Variants in ZNF766 observed in about 807,000 individuals in gnomAD.
The protein encoded by ZNF766 is zinc finger protein 766.
A neutral mutation model predicts 13.2 loss-of-function variants in ZNF766; 13 were observed. The observed-to-expected ratio is 0.98, with a 90% CI of 0.64 to 1.56. The LOEUF is 1.56. Ranked by LOEUF, ZNF766 falls within the 40% of genes most tolerant of loss-of-function variation. The pLI is 0.00. For synonymous variants in ZNF766, 178 were observed against 187.6 expected (o/e 0.95, Z 0.42); for missense variants, 521 against 552.2 (o/e 0.94, Z 0.57).
rs1266416239 is a variant in ZNF766, at chr19:52,292,234, A to G, written c.*1036A>G. On this transcript the variant is annotated 3_prime_UTR_variant, in exon 4 of 4. Coordinates refer to ENST00000439461, the MANE Select transcript of ZNF766 (RefSeq NM_001010851.3). ...GGAGCGTTTCTATCCAGTTTCCTGG[A>G]GGAATAAGGACACTGCCTTTTCAGA... 1.4e-6 allele frequency: 1 copy of G among 700,278 alleles called. No homozygotes were observed. The highest frequency in any genetic ancestry group is 1.7e-5 in the African/African-American group (1 of 57,158). 43.4% of individuals were successfully genotyped at this position (700,278 alleles called of 1,614,324 possible). A position where few individuals can be genotyped will look rare whatever the true frequency, so the allele number is the denominator to read the frequency against.
At chr19:52,275,303 GT>G (rs1368040533) in intron 1 of ZNF766, among the ~76,000 whole-genome samples, 2 of 152,094 alleles carry the variant, frequency 1.3e-5, no homozygotes, top group Non-Finnish European at 2.9e-5. Context: ...ACAAGAAAAA[GT>G]TTAGAGAATT....
intron 1 of ZNF766, among the ~76,000 whole-genome samples, chr19:52,270,942 G>T (rs1289048571): frequency 3.3e-5 from 5 of 151,956 alleles, no homozygotes; most frequent in African/African-American, 9.7e-5. Flanking sequence ...CCGCCAGCTC[G>T]CCTGGCCAAT....
At position 52,290,273 on chromosome 19, in the gene ZNF766, T is replaced by G; in HGVS notation, c.482T>G (p.Phe161Cys). 6.2e-7 allele frequency: 1 copy of G among 1,613,858 alleles called. No homozygotes were observed. The highest frequency in any genetic ancestry group is 8.5e-7 in the Non-Finnish European group (1 of 1,179,872). The stretch of plus-strand genomic sequence containing the variant: ...TACTCTGGGGTCAAAACCCACATAT[T>G]TAATAAACATAGGAATGATTTTGTT... ...RIYSGVKTHI[F>C]NKHRNDFVDF... The change falls in exon 4 of 4, where the codon TTT (phenylalanine) becomes TGT (cysteine). Residue 161 changes from phenylalanine (F) to cysteine (C), a missense_variant. Physicochemically the swap from Phe to Cys is radical, Grantham distance 205. Coordinates refer to ENST00000439461, the MANE Select transcript of ZNF766 (RefSeq NM_001010851.3).
In ZNF766 at chr19:52,295,832, C is replaced by A. The variant is rs549456503; in HGVS notation, c.*4634C>A. The A allele has an allele frequency of 1.3e-5, 2 of 151,466 alleles. No individual in the cohort carries two copies. Among genetic ancestry groups the A allele is most frequent in the African/African-American group, 4.8e-5 (2 of 41,276 alleles). The allele number at this position is 151,466 out of a possible 1,614,324, so 9.4% of individuals were successfully genotyped here. ...ACCTCCCGGGAGCATGCTGCTCTAT[C>A]TTTTTTTTCAGATGTTTGAGCTATT... On this transcript the variant is annotated 3_prime_UTR_variant, in exon 4 of 4. Transcript: ENST00000439461.
At chr19:52,288,908 C>T (rs1053836337) in intron 3 of ZNF766, among the ~76,000 whole-genome samples, 2 of 152,024 alleles carry the variant, frequency 1.3e-5, no homozygotes, top group African/African-American at 2.4e-5. Context: ...TGCAGTGGCA[C>T]GATCTCGGCT....
intron 1 of ZNF766, chr19:52,277,534 T>G: frequency 6.4e-7 from 1 of 1,574,682 alleles, no homozygotes; most frequent in Non-Finnish European, 8.6e-7. Context: ...GGCATGCCAC[T>G]TACTCAGGTA....
chr19:52,276,744 A>G (rs1427945962), intron 1 of ZNF766, among the ~76,000 whole-genome samples: 1 of 152,210 alleles, frequency 6.6e-6, no homozygotes, highest in Non-Finnish European at 1.5e-5. Context: ...CCCCTTGGAT[A>G]AAGGGATTTT....
chr19:52,283,188 T>A, intron 2 of ZNF766, 97 bp from the exon 3 acceptor site: 1 of 1,458,862 alleles, frequency 6.9e-7, no homozygotes, highest in South Asian at 1.4e-5. Flanking sequence ...TAACTGGCTT[T>A]AAAGGATTAA....
chr19:52,275,434 G>A (rs1430013650), intron 1 of ZNF766: 1 of 152,114 alleles, frequency 6.6e-6, no homozygotes, highest in African/African-American at 2.4e-5. Flanking sequence ...GTTGGAATAA[G>A]TAAGCTTAGT....
Position 52,292,079 on chromosome 19 carries a change from A to G in ZNF766, c.*881A>G. 2.9e-6 allele frequency: 2 copies of G among 696,150 alleles called. No homozygotes were observed. Among genetic ancestry groups the G allele is most frequent in the Non-Finnish European group, 5.2e-6 (2 of 382,554 alleles). The allele number at this position is 696,150 out of a possible 1,614,324, so 43.1% of individuals were successfully genotyped here. A position where few individuals can be genotyped will look rare whatever the true frequency, so the allele number is the denominator to read the frequency against. On this transcript the variant is annotated 3_prime_UTR_variant, in exon 4 of 4. Transcript: ENST00000439461. ...GTGACAGAGCGAGACCCTGTCTCAA[A>G]AGAAAAAAAAGGCTAGTTTTTATGA... is the stretch of plus-strand genomic sequence containing the variant.
intron 1 of ZNF766, among the ~76,000 whole-genome samples, chr19:52,276,960 C>T (rs1055121851): frequency 1.3e-5 from 2 of 152,054 alleles, no homozygotes; most frequent in African/African-American, 2.4e-5. Context: ...AGGAGGGGAG[C>T]GGGTTCTGAA....
At chr19:52,275,465 A>AT (rs747702280) in intron 1 of ZNF766, 3 of 152,122 alleles carry the variant, frequency 2.0e-5, no homozygotes, top group African/African-American at 7.2e-5. Context: ...AGAAAAAAGT[A>AT]TTTTTTGTGA....
chr19:52,280,668 C>T (rs376846584), intron 1 of ZNF766, among the ~76,000 whole-genome samples: 8 of 151,960 alleles, frequency 5.3e-5, no homozygotes, highest in East Asian at 3.9e-4. Flanking sequence ...CTGCAGCCTC[C>T]GCCTCCTGGG....
intron 1 of ZNF766, among the ~76,000 whole-genome samples, chr19:52,278,824 T>A (rs1438813149): frequency 1.3e-5 from 2 of 152,250 alleles, no homozygotes; most frequent in African/African-American, 4.8e-5. Flanking sequence ...TTCTGTAGGT[T>A]GTCTGCTCAC....
intron 1 of ZNF766, among the ~76,000 whole-genome samples, chr19:52,279,925 A>G (rs1390219532): frequency 6.7e-6 from 1 of 148,386 alleles, no homozygotes; most frequent in Non-Finnish European, 1.5e-5. Flanking sequence ...CCTCCCGAGT[A>G]GCTTGGATTA....
chr19:52,291,414 G>C lies in ZNF766; in HGVS notation c.*216G>C. The C allele has an allele frequency of 2.0e-6, 1 of 510,574 alleles. No homozygotes were observed. The highest frequency in any genetic ancestry group is 3.4e-6 in the Non-Finnish European group (1 of 293,644). The allele number at this position is 510,574 out of a possible 1,614,324, so 31.6% of individuals were successfully genotyped here. A position where few individuals can be genotyped will look rare whatever the true frequency, so the allele number is the denominator to read the frequency against. The stretch of plus-strand genomic sequence containing the variant: ...TATGTTGAACCTAATGATATGATGT[G>C]TATAAAGGGTGCAAGGACACGTGGA... On this transcript the variant is annotated 3_prime_UTR_variant, in exon 4 of 4. Transcript: ENST00000439461.
chr19:52,282,248 T>C lies in ZNF766; in HGVS notation c.145+11T>C. ...ACCTGGTCTCCCTGGGTAAGGATAATGCCCCTCCAGAAGTTGGGGTCTGCC... is the reference window on the plus strand; with the variant it reads ...ACCTGGTCTCCCTGGGTAAGGATAACGCCCCTCCAGAAGTTGGGGTCTGCC... On this transcript the variant is annotated intron_variant, in intron 2 of 3. Coordinates refer to ENST00000439461, the MANE Select transcript of ZNF766 (RefSeq NM_001010851.3). 6.3e-7 allele frequency: 1 copy of C among 1,589,750 alleles called. No homozygotes were observed. The highest frequency in any genetic ancestry group is 1.1e-5 in the South Asian group (1 of 90,162).
At chr19:52,273,923 T>G (rs528673395) in intron 1 of ZNF766, among the ~76,000 whole-genome samples, 15 of 152,208 alleles carry the variant, frequency 9.9e-5, no homozygotes, top group Non-Finnish European at 1.5e-4. Flanking sequence ...ATTCACATAC[T>G]CAGGTTGGGC....
intron 1 of ZNF766, among the ~76,000 whole-genome samples, chr19:52,270,670 A>G (rs1886879044): frequency 6.6e-6 from 1 of 152,128 alleles, no homozygotes; most frequent in Non-Finnish European, 1.5e-5. Context: ...AGGGAATTTA[A>G]CAGGAGGAGC....
Sources: allele counts gnomAD v4.1 joint callset (sites outside exome capture counted in the v4.1 genomes callset), GRCh38; gene constraint gnomAD v4.1.1; transcripts MANE v1.5; gene names NCBI Gene and HGNC (gene_info 2026-07-23, HGNC 2026-07-21).